Variants in VRK3 observed in about 807,000 individuals in gnomAD.
VRK3 encodes the protein VRK serine/threonine kinase 3, also known as serine/threonine-protein kinase VRK3.
VRK3 carries 50 observed loss-of-function variants against 60.4 expected under a neutral mutation model. That is an observed-to-expected ratio of 0.83 (90% CI 0.66 to 1.05). VRK3 has a LOEUF of 1.05. Ranked by LOEUF, VRK3 falls within the 50% of genes least tolerant of loss-of-function variation. The probability of loss-of-function intolerance (pLI) is 0.00; values close to 1 mark genes in which losing one functional copy is unlikely to be tolerated. For missense variants in VRK3, 549 were observed against 585.3 expected, an observed-to-expected ratio of 0.94 and a Z score of 0.64; for synonymous variants, 246 against 227.8, an observed-to-expected ratio of 1.08 and a Z score of -0.72.
rs75754005 is a variant in VRK3, at chr19:50,004,199, G to A, written c.548-3345C>T. ...TCCTGTGCTTCCACTGTGGGTTTCT[G>A]GGGGAGGTCAAGCGTGGTTTCTTCT... On this transcript the variant is annotated intron_variant, in intron 5 of 14. Coordinates refer to ENST00000316763, the MANE Select transcript of VRK3 (RefSeq NM_016440.4). Among the ~76,000 whole-genome samples the A allele has an allele frequency of 2.6e-5, 4 of 152,178 alleles. No individual in the cohort carries two copies. The South Asian group carries it at 8.3e-4, about 32-fold the overall frequency.
At chr19:50,025,357 CCCAGCGAAAACTTCCGCTGGGCGG>C (rs1371583532) in exon 1 of VRK3, 1 of 152,228 alleles carries the variant, frequency 6.6e-6, no homozygotes, top group East Asian at 1.9e-4. Flanking sequence ...TTCTCAGTTG[CCCAGCGAAAACTTCCGCTGGGCGG>C]AGAGCGCTGC....
chr19:49,993,491 C>T (rs1040430458), intron 9 of VRK3, among the ~76,000 whole-genome samples: 3 of 152,102 alleles, frequency 2.0e-5, no homozygotes, highest in East Asian at 3.9e-4. Flanking sequence ...CTTGATTTCC[C>T]AAGCTCAGGT....
chr19:50,007,508 C>G, intron 5 of VRK3, 61 bp downstream of exon 5: 1 of 1,598,526 alleles, frequency 6.3e-7, no homozygotes. Context: ...GAACGGGGTC[C>G]CCTCCCACTG....
intron 6 of VRK3, chr19:50,000,060 C>T (rs2076773845): frequency 6.6e-6 from 1 of 152,294 alleles, no homozygotes; most frequent in African/African-American, 2.4e-5. Flanking sequence ...TCATGGCCTC[C>T]ACCTAGGGCG....
intron 9 of VRK3, among the ~76,000 whole-genome samples, chr19:49,994,112 C>T (rs1212593214): frequency 6.6e-6 from 1 of 152,202 alleles, no homozygotes; most frequent in East Asian, 1.9e-4. Context: ...AGATACTGAA[C>T]ATAAAGACCT....
At chr19:49,995,129 G>GA in intron 8 of VRK3, 62 bp downstream of exon 8, 1 of 1,553,754 alleles carries the variant, frequency 6.4e-7, no homozygotes, top group Non-Finnish European at 8.9e-7. Flanking sequence ...GCCATGCCTG[G>GA]AGTCACAACA....
At chr19:49,994,345 C>T (rs116869886) in intron 9 of VRK3, among the ~76,000 whole-genome samples, 27 of 152,288 alleles carry the variant, frequency 1.8e-4, no homozygotes, top group East Asian at 7.7e-4. Flanking sequence ...CCGGGGACAG[C>T]GTCTGGCACC....
At chr19:50,003,308 G>A (rs1483168718) in intron 5 of VRK3, among the ~76,000 whole-genome samples, 1 of 152,240 alleles carries the variant, frequency 6.6e-6, no homozygotes, top group Non-Finnish European at 1.5e-5. Flanking sequence ...CAGAGCTGTA[G>A]GAGAATAAGC....
Position 50,007,757 on chromosome 19 carries a change from C to T in VRK3, c.359G>A (p.Arg120Lys). ...ACAGCTGGTCTTCTGAGGGCTACCCCTGGTCACCTGAGGGCTCTTCCTGGT... is the reference window on the plus strand; with the variant it reads ...ACAGCTGGTCTTCTGAGGGCTACCCTTGGTCACCTGAGGGCTCTTCCTGGT... ...QKTRKSPQVT[R>K]GSPQKTSCSP... Residue 120 changes from arginine (R) to lysine (K), a missense_variant, in exon 5 of 15, where the codon AGG becomes AAG. Physicochemically the swap from Arg to Lys is conservative, Grantham distance 26. Coordinates refer to ENST00000316763, the MANE Select transcript of VRK3 (RefSeq NM_016440.4). The T allele has an allele frequency of 1.2e-6, 2 of 1,614,028 alleles. No homozygotes were observed. The highest frequency in any genetic ancestry group is 1.7e-6 in the Non-Finnish European group (2 of 1,180,026).
chr19:50,007,290 G>A (rs984133076), intron 5 of VRK3, among the ~76,000 whole-genome samples: 7 of 149,804 alleles, frequency 4.7e-5, no homozygotes, highest in South Asian at 2.1e-4. Flanking sequence ...GCAGGTAGCA[G>A]GTGGGGTGAG....
intron 5 of VRK3, among the ~76,000 whole-genome samples, chr19:50,004,868 C>T (rs2076868916): frequency 6.6e-6 from 1 of 151,884 alleles, no homozygotes; most frequent in Non-Finnish European, 1.5e-5. Context: ...CGTGATTGCA[C>T]AACCGCACTC....
At chr19:50,020,385 C>T (rs1223914522) in intron 2 of VRK3, 200 bp downstream of exon 2, 1 of 152,236 alleles carries the variant, frequency 6.6e-6, no homozygotes, top group Non-Finnish European at 1.5e-5. Flanking sequence ...AATAGAATTT[C>T]CCCAGATGCT....
At position 50,015,873 on chromosome 19, in the gene VRK3, T is replaced by C. The variant is rs563555950; in HGVS notation, c.139+151A>G. The C allele has an allele frequency of 5.1e-5, 49 of 968,590 alleles. 1 individual carries two copies. The East Asian group carries it at 9.2e-4, about 18-fold the overall frequency. 60.0% of individuals were successfully genotyped at this position (968,590 alleles called of 1,614,324 possible). A position where few individuals can be genotyped will look rare whatever the true frequency, so the allele number is the denominator to read the frequency against. ...GGCCAATAAGAGGCCAAGAGACTGA[T>C]GGTAGACAGAGGGGTCCAGTCCTGA... On this transcript the variant is annotated intron_variant, in intron 3 of 14. Transcript: ENST00000316763.
intron 5 of VRK3, among the ~76,000 whole-genome samples, chr19:50,004,165 A>G (rs2076855792): frequency 6.6e-6 from 1 of 152,202 alleles, no homozygotes; most frequent in Non-Finnish European, 1.5e-5. Context: ...ATTGGCCCAG[A>G]GTAGCTCCTC....
intron 3 of VRK3, among the ~76,000 whole-genome samples, chr19:50,015,462 C>A (rs1383533901): frequency 1.3e-5 from 2 of 152,118 alleles, no homozygotes; most frequent in East Asian, 1.9e-4. Context: ...GCATGCGCCA[C>A]TATGCCCAGC....
chr19:50,012,121 A>C (rs1291374922), intron 3 of VRK3, among the ~76,000 whole-genome samples: 1 of 151,902 alleles, frequency 6.6e-6, no homozygotes, highest in Non-Finnish European at 1.5e-5. Context: ...ACAGGCATGC[A>C]CCACCACGCC....
chr19:49,978,096 T>C (rs1374362992), intron 14 of VRK3, among the ~76,000 whole-genome samples: 2 of 152,168 alleles, frequency 1.3e-5, no homozygotes, highest in Non-Finnish European at 2.9e-5. Flanking sequence ...ATCGTGGTGC[T>C]GCTGACCACG....
chr19:50,000,900 G>A (rs1320132054), intron 5 of VRK3, 46 bp from the exon 6 acceptor site: 29 of 1,575,364 alleles, frequency 1.8e-5, no homozygotes, highest in Non-Finnish European at 2.5e-5. Flanking sequence ...CACGCGGAAG[G>A]TCAGGGTCAT....
intron 6 of VRK3, chr19:50,000,340 G>T (rs1055640896): frequency 1.7e-5 from 3 of 176,224 alleles, no homozygotes; most frequent in African/African-American, 4.8e-5. Flanking sequence ...CTCGGCACCC[G>T]ATGTGTGATT....
Sources: gnomAD v4.1 joint callset for allele counts (sites outside exome capture counted in the v4.1 genomes callset) on GRCh38, gnomAD v4.1.1 for gene constraint, MANE v1.5 for transcripts, NCBI Gene and HGNC (gene_info 2026-07-23, HGNC 2026-07-21) for gene names.